Variants in RBFOX1 observed in about 807,000 individuals in gnomAD.
The protein encoded by RBFOX1 is RNA binding protein fox-1 homolog 1.
In RBFOX1, 8 loss-of-function variants were observed where a neutral mutation model predicts 57.7. That is an observed-to-expected ratio of 0.14 (90% CI 0.08 to 0.25). The LOEUF (loss-of-function observed/expected upper bound fraction) is 0.25. Ranked by LOEUF, RBFOX1 falls within the 10% of genes least tolerant of loss-of-function variation. The probability of loss-of-function intolerance (pLI) is 1.00; values close to 1 mark genes in which losing one functional copy is unlikely to be tolerated. For synonymous variants in RBFOX1, 326 were observed against 222.4 expected, an observed-to-expected ratio of 1.47 and a Z score of -4.15; for missense variants, 611 against 548.5, an observed-to-expected ratio of 1.11 and a Z score of -1.14.
chr16:5,587,884 A>G (rs1466049292), intron 2 of RBFOX1, among the ~76,000 whole-genome samples: 1 of 152,122 alleles, frequency 6.6e-6, no homozygotes, highest in Non-Finnish European at 1.5e-5. Context: ...GTATCAACCT[A>G]TGTCCTCATG....
At chr16:6,729,958 C>T (rs8048911) in intron 3 of RBFOX1, among the ~76,000 whole-genome samples, 137,727 of 152,036 alleles carry the variant, frequency 0.91, 64,003 homozygotes, top group East Asian at 1. Flanking sequence ...TGATCAAAAA[C>T]TCAGATCCTG....
intron 2 of RBFOX1, among the ~76,000 whole-genome samples, chr16:6,460,472 C>T (rs1056494236): frequency 3.3e-5 from 5 of 150,896 alleles, no homozygotes; most frequent in African/African-American, 1.2e-4. Flanking sequence ...AAAAAACATA[C>T]ATGCGGCCAA....
intron 3 of RBFOX1, among the ~76,000 whole-genome samples, chr16:6,737,397 C>A (rs1359879241): frequency 1.3e-5 from 2 of 152,090 alleles, no homozygotes; most frequent in Non-Finnish European, 1.5e-5. Context: ...AAATATTGGG[C>A]CTTCATGTAA....
At chr16:5,701,236 G>A (rs2051036862) in intron 3 of RBFOX1, among the ~76,000 whole-genome samples, 1 of 152,214 alleles carries the variant, frequency 6.6e-6, no homozygotes, top group African/African-American at 2.4e-5. Context: ...CAGCTTTGGA[G>A]ACTGTTTCTT....
downstream of RBFOX1, among the ~76,000 whole-genome samples, chr16:5,604,377 G>C (rs1382405120): frequency 6.6e-6 from 1 of 152,116 alleles, no homozygotes; most frequent in African/African-American, 2.4e-5. Flanking sequence ...CTGGAGCTCA[G>C]GGTCCCTTTG....
intron 3 of RBFOX1, among the ~76,000 whole-genome samples, chr16:5,792,499 C>G (rs1258690534): frequency 6.6e-6 from 1 of 152,144 alleles, no homozygotes; most frequent in African/African-American, 2.4e-5. Flanking sequence ...GTAATATATA[C>G]TGTATTCTTA....
chr16:5,887,082 G>A (rs2057917488), intron 4 of RBFOX1, among the ~76,000 whole-genome samples: 1 of 152,128 alleles, frequency 6.6e-6, no homozygotes, highest in South Asian at 2.1e-4. Context: ...TTCTCCCCAG[G>A]TTGTGACAAC....
chr16:6,887,491 C>G, intron 3 of RBFOX1, among the ~76,000 whole-genome samples: 1 of 152,100 alleles, frequency 6.6e-6, no homozygotes, highest in East Asian at 1.9e-4. Context: ...TTTTTCTATC[C>G]CTGGAATCAT....
chr16:7,422,651 A>G (rs2098553570), intron 4 of RBFOX1: 1 of 152,262 alleles, frequency 6.6e-6, no homozygotes, highest in Non-Finnish European at 1.5e-5. Context: ...CAGCCTAGAT[A>G]TCTCTGCACC....
At chr16:6,061,579 A>G (rs1204519513) in intron 1 of RBFOX1, among the ~76,000 whole-genome samples, 1 of 151,686 alleles carries the variant, frequency 6.6e-6, no homozygotes, top group African/African-American at 2.4e-5. Flanking sequence ...ACTATAGTAT[A>G]TGTGCTATAT....
chr16:7,698,183 G>GGGGTGTGTGTGTGT (rs1355248429), intron 14 of RBFOX1, among the ~76,000 whole-genome samples: 29 of 136,208 alleles, frequency 2.1e-4, no homozygotes, highest in African/African-American at 7.5e-4. Flanking sequence ...AGTCCAAGAG[G>GGGGTGTGTGTGTGT]GTGTGTGTGT....
At chr16:6,352,758 C>T (rs978940007) in intron 2 of RBFOX1, among the ~76,000 whole-genome samples, 9 of 152,290 alleles carry the variant, frequency 5.9e-5, no homozygotes, top group South Asian at 2.1e-4. Context: ...CATTAACTCA[C>T]GAAGCTGCAA....
intron 3 of RBFOX1, among the ~76,000 whole-genome samples, chr16:5,826,628 T>G (rs2056065298): frequency 6.6e-6 from 1 of 152,250 alleles, no homozygotes; most frequent in South Asian, 2.1e-4. Flanking sequence ...GGCAATAGTT[T>G]GCTAACCTCT....
chr16:6,941,687 G>C (rs1202962602), intron 3 of RBFOX1, among the ~76,000 whole-genome samples: 2 of 152,128 alleles, frequency 1.3e-5, no homozygotes, highest in East Asian at 1.9e-4. Context: ...TAATAGAGCT[G>C]ATGGTTAGGA....
intron 1 of RBFOX1, among the ~76,000 whole-genome samples, chr16:5,331,213 G>T (rs1212155248): frequency 1.3e-5 from 2 of 152,164 alleles, no homozygotes; most frequent in Non-Finnish European, 2.9e-5. Flanking sequence ...TGTTTGGCTT[G>T]GCTTGGCCCA....
chr16:7,140,184 C>G (rs1271351829), intron 4 of RBFOX1, among the ~76,000 whole-genome samples: 2 of 144,962 alleles, frequency 1.4e-5, no homozygotes, highest in Admixed American at 6.8e-5. Flanking sequence ...CTCTCTCTCT[C>G]TCTCTCTCTC....
At chr16:6,687,201 C>T (rs1050308426) in intron 3 of RBFOX1, among the ~76,000 whole-genome samples, 5 of 151,918 alleles carry the variant, frequency 3.3e-5, no homozygotes, top group Non-Finnish European at 5.9e-5. Flanking sequence ...TAGTAAATAC[C>T]GTATGTTCTG....
chr16:6,829,274 G>C (rs1003790768), intron 3 of RBFOX1, among the ~76,000 whole-genome samples: 1 of 150,212 alleles, frequency 6.7e-6, no homozygotes, highest in Non-Finnish European at 1.5e-5. Context: ...CATAAAAGGA[G>C]AAATCTGAGA....
intron 1 of RBFOX1, among the ~76,000 whole-genome samples, chr16:6,078,300 C>G (rs906640157): frequency 6.6e-6 from 1 of 152,184 alleles, no homozygotes; most frequent in Non-Finnish European, 1.5e-5. Flanking sequence ...CTAGAGCAAG[C>G]TTCTCCAGCC....
Sources: allele counts gnomAD v4.1 joint callset (sites outside exome capture counted in the v4.1 genomes callset), GRCh38; gene constraint gnomAD v4.1.1; transcripts MANE v1.5; gene names NCBI Gene and HGNC (gene_info 2026-07-23, HGNC 2026-07-21).